Variants in NR6A1 observed in about 807,000 individuals in gnomAD.
The protein encoded by NR6A1 is nuclear receptor subfamily 6 group A member 1, also known as retinoic acid receptor-related testis-associated receptor.
A neutral mutation model predicts 59.1 loss-of-function variants in NR6A1; 7 were observed. The ratio of observed to expected loss-of-function variants is 0.12; its 90% CI spans 0.07 to 0.22. The LOEUF (loss-of-function observed/expected upper bound fraction) is 0.22, where lower values mean the gene tolerates loss of function less well. Among genes scored for constraint, NR6A1 ranks in the 10% least tolerant of loss-of-function variants. The pLI is 1.00. For missense variants in NR6A1, 468 were observed against 611.6 expected (o/e 0.77, Z 2.48); for synonymous variants, 243 against 236.1 (o/e 1.03, Z -0.27).
Position 124,687,291 on chromosome 9 carries a change from A to ATTATTTAT in NR6A1, c.142+46009_142+46016dup, listed in dbSNP as rs142524533. 1.2e-3 allele frequency among the ~76,000 whole-genome samples: 167 copies of ATTATTTAT among 142,128 alleles called. 1 individual carries two copies. Among genetic ancestry groups the ATTATTTAT allele is most frequent in the Admixed American group, 4.1e-3 (57 of 14,072 alleles). The allele number at this position is 142,128 out of a possible 152,430, so 93.2% of individuals were successfully genotyped here. A position where few individuals can be genotyped will look rare whatever the true frequency, so the allele number is the denominator to read the frequency against. On this transcript the variant is annotated intron_variant, in intron 2 of 9. Coordinates refer to ENST00000487099, the MANE Select transcript of NR6A1 (RefSeq NM_033334.4). ...ACATGCCACCACAGCCAGCTAATTA[A>ATTATTTAT]TTATTTATTTATTTATTTATTTATT...
intron 1 of NR6A1, among the ~76,000 whole-genome samples, chr9:124,748,539 T>C (rs1324036603): frequency 2.6e-5 from 4 of 152,134 alleles, no homozygotes; most frequent in Non-Finnish European, 5.9e-5. Context: ...CCCATAGGCA[T>C]TTCCCCGATC....
At chr9:124,630,642 T>C (rs1309712184) in intron 2 of NR6A1, among the ~76,000 whole-genome samples, 1 of 150,760 alleles carries the variant, frequency 6.6e-6, no homozygotes, top group Non-Finnish European at 1.5e-5. Context: ...ATTTTATACT[T>C]TTGACCCCTG....
chr9:124,565,485 C>T (rs1834213466), intron 2 of NR6A1, among the ~76,000 whole-genome samples: 1 of 151,910 alleles, frequency 6.6e-6, no homozygotes, highest in African/African-American at 2.4e-5. Context: ...GCAGCACTAA[C>T]CATAGAAGAA....
At chr9:124,756,352 T>C (rs1840630114) in intron 1 of NR6A1, among the ~76,000 whole-genome samples, 1 of 152,228 alleles carries the variant, frequency 6.6e-6, no homozygotes, top group Admixed American at 6.5e-5. Context: ...TCTTGGCAAA[T>C]TACAAGTTTC....
intron 2 of NR6A1, among the ~76,000 whole-genome samples, chr9:124,680,318 T>C (rs1168810540): frequency 1.3e-5 from 2 of 152,162 alleles, no homozygotes; most frequent in African/African-American, 4.8e-5. Context: ...TGTGATTTAC[T>C]TCTTATTCCC....
intron 2 of NR6A1, among the ~76,000 whole-genome samples, chr9:124,676,117 G>A (rs1457115436): frequency 1.3e-5 from 2 of 152,220 alleles, no homozygotes; most frequent in African/African-American, 2.4e-5. Context: ...AAGTTCTTAG[G>A]AATCAGTGGG....
At chr9:124,656,651 G>A (rs1837268718) in intron 2 of NR6A1, among the ~76,000 whole-genome samples, 1 of 152,074 alleles carries the variant, frequency 6.6e-6, no homozygotes, top group Non-Finnish European at 1.5e-5. Flanking sequence ...GGCCAACATG[G>A]TGAAACCCCG....
At chr9:124,717,154 CTAAG>C (rs1839434078) in intron 2 of NR6A1, among the ~76,000 whole-genome samples, 1 of 152,160 alleles carries the variant, frequency 6.6e-6, no homozygotes, top group African/African-American at 2.4e-5. Flanking sequence ...ACTACTGGAA[CTAAG>C]ATGTATGAAC....
At chr9:124,564,931 G>A (rs950621443) in intron 2 of NR6A1, among the ~76,000 whole-genome samples, 1 of 152,138 alleles carries the variant, frequency 6.6e-6, no homozygotes, top group Non-Finnish European at 1.5e-5. Flanking sequence ...TTTAATTTAT[G>A]AAGATGGCAT....
intron 2 of NR6A1, among the ~76,000 whole-genome samples, chr9:124,684,244 G>T (rs901529050): frequency 2.0e-5 from 3 of 152,172 alleles, no homozygotes; most frequent in African/African-American, 7.2e-5. Context: ...ATCACCAACA[G>T]CCGGGACAGT....
chr9:124,549,440 G>C (rs1431692006), intron 3 of NR6A1, among the ~76,000 whole-genome samples: 1 of 152,222 alleles, frequency 6.6e-6, no homozygotes, highest in Non-Finnish European at 1.5e-5. Context: ...AAGACTGCAA[G>C]ATGGGTAAGG....
intron 2 of NR6A1, among the ~76,000 whole-genome samples, chr9:124,637,909 A>G (rs184171725): frequency 0.056 from 8,453 of 149,666 alleles, 627 homozygotes; most frequent in African/African-American, 0.16. Flanking sequence ...AAAAAAAAAA[A>G]AAAGAAAAAA....
chr9:124,655,042 C>G (rs754786529), intron 2 of NR6A1, among the ~76,000 whole-genome samples: 7 of 152,136 alleles, frequency 4.6e-5, no homozygotes, highest in Non-Finnish European at 8.8e-5. Context: ...CCTTTGCCAA[C>G]TGAGTTCAGC....
At chr9:124,596,807 A>T (rs1023162130) in intron 2 of NR6A1, among the ~76,000 whole-genome samples, 16 of 152,250 alleles carry the variant, frequency 1.1e-4, no homozygotes, top group Admixed American at 1.0e-3. Context: ...CTAATGGCAC[A>T]TGATGTCAAA....
intron 2 of NR6A1, among the ~76,000 whole-genome samples, chr9:124,653,429 TTTAAGAGA>T: frequency 6.6e-6 from 1 of 152,290 alleles, no homozygotes; most frequent in East Asian, 1.9e-4. Context: ...GTTGTTGTTT[TTTAAGAGA>T]CAGAGTCTCT....
chr9:124,683,235 G>GGGAAAAGGAAAAGGAAAA (rs144520685), intron 2 of NR6A1, among the ~76,000 whole-genome samples: 48 of 149,890 alleles, frequency 3.2e-4, no homozygotes, highest in Middle Eastern at 3.4e-3. Context: ...GAAAGGGAAA[G>GGGAAAAGGAAAAGGAAAA]GGAAAAGGAA....
chr9:124,756,943 ATGC>A (rs1421806477), intron 1 of NR6A1, among the ~76,000 whole-genome samples: 4 of 142,222 alleles, frequency 2.8e-5, no homozygotes, highest in Non-Finnish European at 6.2e-5. Context: ...CAGACTGGAG[ATGC>A]TAGGATGAGG....
intron 2 of NR6A1, among the ~76,000 whole-genome samples, chr9:124,597,873 C>T (rs940458936): frequency 3.3e-5 from 5 of 152,114 alleles, no homozygotes; most frequent in African/African-American, 7.2e-5. Context: ...GACAGGGCCT[C>T]GCTCTGTCAC....
chr9:124,722,863 G>A (rs966550321), intron 2 of NR6A1, among the ~76,000 whole-genome samples: 1 of 152,018 alleles, frequency 6.6e-6, no homozygotes, highest in African/African-American at 2.4e-5. Flanking sequence ...TGGGACTACA[G>A]GTACACGCCT....
Sources: allele counts gnomAD v4.1 joint callset (sites outside exome capture counted in the v4.1 genomes callset), GRCh38; gene constraint gnomAD v4.1.1; transcripts MANE v1.5; gene names NCBI Gene and HGNC (gene_info 2026-07-23, HGNC 2026-07-21).